The following DCLK1 variants were observed in gnomAD, a reference collection of about 807,000 sequenced individuals.
The protein encoded by DCLK1 is serine/threonine-protein kinase DCLK1.
Under a neutral mutation model 86.2 loss-of-function variants are expected in DCLK1, and 16 were observed. That is an observed-to-expected ratio of 0.19 (90% CI 0.13 to 0.28). The LOEUF (loss-of-function observed/expected upper bound fraction) is 0.28. DCLK1 is among the 10% of genes least tolerant of loss of function. The pLI is 1.00. For synonymous variants in DCLK1, 369 were observed against 370.5 expected (o/e 1.00, Z 0.05); for missense variants, 590 against 940.2 (o/e 0.63, Z 4.87).
At chr13:35,971,347 T>C (rs911402684) in intron 3 of DCLK1, among the ~76,000 whole-genome samples, 2 of 152,144 alleles carry the variant, frequency 1.3e-5, no homozygotes, top group African/African-American at 4.8e-5. Context: ...GAACAACACA[T>C]GCATGCTAGT....
chr13:35,917,333 TATAACTAA>T (rs1437833985), intron 4 of DCLK1, among the ~76,000 whole-genome samples: 1 of 152,230 alleles, frequency 6.6e-6, no homozygotes, highest in Non-Finnish European at 1.5e-5. Context: ...TATAATTGCA[TATAACTAA>T]AACAATAACG....
chr13:35,925,238 C>G (rs1423513638), intron 4 of DCLK1, among the ~76,000 whole-genome samples: 1 of 152,208 alleles, frequency 6.6e-6, no homozygotes, highest in Non-Finnish European at 1.5e-5. Flanking sequence ...AGTTAGAATT[C>G]TTCCAAGTCT....
At chr13:35,960,157 A>G (rs956230234) in intron 3 of DCLK1, among the ~76,000 whole-genome samples, 1 of 152,148 alleles carries the variant, frequency 6.6e-6, no homozygotes, top group Non-Finnish European at 1.5e-5. Context: ...CAATAAAGCC[A>G]AGAAGCTCCT....
chr13:36,113,262 C>T (rs1054054427), intron 2 of DCLK1, among the ~76,000 whole-genome samples: 9 of 152,216 alleles, frequency 5.9e-5, no homozygotes, highest in African/African-American at 1.7e-4. Flanking sequence ...TAAGTAGTCA[C>T]ATAAAAATAA....
chr13:35,893,778 AT>A (rs1873784961), intron 4 of DCLK1, among the ~76,000 whole-genome samples: 1 of 152,174 alleles, frequency 6.6e-6, no homozygotes, highest in Middle Eastern at 3.4e-3. Flanking sequence ...TGCACACATT[AT>A]TTTTTTCCTG....
chr13:35,966,144 G>A (rs1330098395), intron 3 of DCLK1, among the ~76,000 whole-genome samples: 2 of 152,330 alleles, frequency 1.3e-5, no homozygotes, highest in East Asian at 1.9e-4. Flanking sequence ...ACAAGCGTTG[G>A]CAAGGATGTG....
chr13:35,845,933 A>G, intron 6 of DCLK1: 1 of 985,310 alleles, frequency 1.0e-6, no homozygotes. Flanking sequence ...TAGTTATTCT[A>G]AGGTGGTAAG....
chr13:36,097,513 T>A (rs764030915), intron 3 of DCLK1, among the ~76,000 whole-genome samples: 3 of 152,194 alleles, frequency 2.0e-5, no homozygotes, highest in Non-Finnish European at 4.4e-5. Flanking sequence ...CTTTTTCCAC[T>A]ATTGGGAATA....
rs1353836006 is a variant in DCLK1 at position 36,095,172 on chromosome 13, TG to T, written c.723+16696del. Reference sequence around the variant, plus strand: ...TGATATCTCTCTATCTCTCTCTCTTTGTTTTTTTTTTTTGTTTTTTTTGTTT... The same window carrying T: ...TGATATCTCTCTATCTCTCTCTCTTTTTTTTTTTTTTTGTTTTTTTTGTTT... On this transcript the variant is annotated intron_variant, in intron 3 of 16. Coordinates refer to ENST00000360631, the MANE Select transcript of DCLK1 (RefSeq NM_001330071.2). Among the ~76,000 whole-genome samples the T allele has an allele frequency of 1.5e-3, 196 of 130,686 alleles. 1 individual carries two copies. Among genetic ancestry groups the T allele is most frequent in the East Asian group, 0.012 (50 of 4,090 alleles). The allele number at this position is 130,686 out of a possible 152,430, so 85.7% of individuals were successfully genotyped here.
In DCLK1 at chr13:35,947,180, A is replaced by T. The variant is rs556290028; in HGVS notation, c.823+178T>A. ...ATTTAACTTTTCCAATTCTCATTTC[A>T]TCTGTTTTCCATATTTAAAAAAAAA... On this transcript the variant is annotated intron_variant, in intron 4 of 16. Transcript: ENST00000360631. Among the ~76,000 whole-genome samples the T allele has an allele frequency of 2.0e-5, 3 of 152,216 alleles. No individual in the cohort carries two copies. In the South Asian group the frequency reaches 6.2e-4, roughly 32 times the overall value.
At chr13:36,091,915 T>A (rs1884840549) in intron 3 of DCLK1, among the ~76,000 whole-genome samples, 1 of 152,192 alleles carries the variant, frequency 6.6e-6, no homozygotes, top group African/African-American at 2.4e-5. Flanking sequence ...AATACAGCTG[T>A]CATCATTCTG....
chr13:35,774,829 T>C, intron 16 of DCLK1, 130 bp from the exon 17 acceptor site: 12 of 1,054,500 alleles, frequency 1.1e-5, no homozygotes, highest in Non-Finnish European at 1.6e-5. Context: ...TGGCACACTT[T>C]TTGTTGACAG....
At chr13:36,000,965 T>G (rs1439186086) in intron 3 of DCLK1, among the ~76,000 whole-genome samples, 1 of 149,894 alleles carries the variant, frequency 6.7e-6, no homozygotes, top group Non-Finnish European at 1.5e-5. Flanking sequence ...TTTTTTTTTT[T>G]GAGACAGAGT....
At position 36,066,952 on chromosome 13, in the gene DCLK1, T is replaced by C. The variant is rs371262430; in HGVS notation, c.723+44917A>G. Among the ~76,000 whole-genome samples the C allele has an allele frequency of 5.8e-4, 86 of 148,632 alleles. No homozygotes were observed. In the East Asian group the frequency reaches 0.015, roughly 26 times the overall value. On this transcript the variant is annotated intron_variant, in intron 3 of 16. Coordinates refer to ENST00000360631, the MANE Select transcript of DCLK1 (RefSeq NM_001330071.2). ...TGGAGAAATAGGAACACTTTTACAC[T>C]GTTGGTGGGACTGTAAACTAGCTCA...
intron 4 of DCLK1, among the ~76,000 whole-genome samples, chr13:35,939,596 C>T (rs1343621067): frequency 6.6e-6 from 1 of 152,076 alleles, no homozygotes; most frequent in Non-Finnish European, 1.5e-5. Flanking sequence ...GGGGTTTCAC[C>T]ATGTTGCCCA....
At chr13:36,054,294 C>T (rs1238859070) in intron 3 of DCLK1, among the ~76,000 whole-genome samples, 1 of 152,138 alleles carries the variant, frequency 6.6e-6, no homozygotes, top group African/African-American at 2.4e-5. Flanking sequence ...GCATGGGACT[C>T]ATGGGGAAAA....
At chr13:35,848,332 G>A in intron 6 of DCLK1, 1 of 984,876 alleles carries the variant, frequency 1.0e-6, no homozygotes, top group South Asian at 4.7e-5. Flanking sequence ...TTTTATTTCT[G>A]CTTTAGTTTA....
At chr13:36,117,430 G>C (rs1396938171) in intron 2 of DCLK1, among the ~76,000 whole-genome samples, 4 of 152,054 alleles carry the variant, frequency 2.6e-5, no homozygotes. Context: ...TCAAAATAAA[G>C]TGGTATTGAG....
intron 3 of DCLK1, among the ~76,000 whole-genome samples, chr13:36,050,952 C>T (rs7989807): frequency 0.2 from 31,046 of 151,972 alleles, 3,952 homozygotes; most frequent in South Asian, 0.42. Context: ...TAAACTTGGC[C>T]TGTAAGCCCA....
Sources: gnomAD v4.1 joint callset for allele counts (sites outside exome capture counted in the v4.1 genomes callset) on GRCh38, gnomAD v4.1.1 for gene constraint, MANE v1.5 for transcripts, NCBI Gene and HGNC (gene_info 2026-07-23, HGNC 2026-07-21) for gene names.